CHFR: variants seen among roughly 807,000 people sequenced by gnomAD.
CHFR encodes the protein checkpoint with forkhead and ring finger domains, also known as E3 ubiquitin-protein ligase CHFR.
In CHFR, 57 loss-of-function variants were observed where a neutral mutation model predicts 87.6. The ratio of observed to expected loss-of-function variants is 0.65; its 90% CI spans 0.53 to 0.81. The LOEUF (loss-of-function observed/expected upper bound fraction) is 0.81. Among genes scored for constraint, CHFR ranks in the 30% least tolerant of loss-of-function variants. The pLI is 0.00. For missense variants in CHFR, 797 were observed against 865.8 expected (o/e 0.92, Z 1.00); for synonymous variants, 381 against 359.2 (o/e 1.06, Z -0.69).
rs894885381 is a variant in CHFR, at chr12:132,875,492, G to A, written c.233+2063C>T. The stretch of plus-strand genomic sequence containing the variant: ...CCCCATCTGAGCTAGGCGTGGCGGC[G>A]GGCACCTGTAATCCCAGCTACTCGG... On this transcript the variant is annotated intron_variant, in intron 3 of 17. Transcript: ENST00000450056. Among the ~76,000 whole-genome samples, 8 of 151,948 alleles carry A rather than the reference G, an allele frequency of 5.3e-5. 1 individual carries two copies. The South Asian group carries it at 6.2e-4, about 12-fold the overall frequency.
At chr12:132,853,728 C>A (rs948088249) in intron 10 of CHFR, 155 bp from the exon 11 acceptor site, 7 of 851,670 alleles carry the variant, frequency 8.2e-6, no homozygotes, top group Non-Finnish European at 8.5e-6. Context: ...GTCCAGCACC[C>A]CAGTGTTAGA....
chr12:132,843,208 T>A (rs1950738550), intron 16 of CHFR, 125 bp from the exon 17 acceptor site: 1 of 829,008 alleles, frequency 1.2e-6, no homozygotes, highest in South Asian at 1.5e-5. Flanking sequence ...GGTCCCTCCA[T>A]AACTAGTTTC....
At chr12:132,868,252 G>A (rs532483070) in intron 6 of CHFR, among the ~76,000 whole-genome samples, 1 of 152,350 alleles carries the variant, frequency 6.6e-6, no homozygotes, top group East Asian at 1.9e-4. Flanking sequence ...AGCACTTTGG[G>A]AGGCCGATCG....
chr12:132,852,006 CAG>C (rs150100592), intron 11 of CHFR, among the ~76,000 whole-genome samples: 15,790 of 151,330 alleles, frequency 0.1, 1,640 homozygotes, highest in East Asian at 0.46. Context: ...TTTTTTGAGA[CAG>C]AGTCTCACTC....
At position 132,841,462 on chromosome 12, in the gene CHFR, CT is replaced by C. The variant is rs1950703000; in HGVS notation, c.*91del. 9.0e-7 allele frequency: 1 copy of C among 1,116,088 alleles called. No homozygotes were observed. The allele number at this position is 1,116,088 out of a possible 1,614,324, so 69.1% of individuals were successfully genotyped here. A position where few individuals can be genotyped will look rare whatever the true frequency, so the allele number is the denominator to read the frequency against. On this transcript the variant is annotated 3_prime_UTR_variant, in exon 18 of 18. Transcript: ENST00000450056. ...ACCCTGCGTCCCTTCCCTCAGGGGG[CT>C]GTGAAAACACCTTGACGTGCTTGTC...
rs1341883561 is a variant in CHFR, at chr12:132,859,141, C to A, written c.838G>T (p.Ala280Ser). The A allele has an allele frequency of 1.9e-6, 3 of 1,614,120 alleles. No homozygotes were observed. Among genetic ancestry groups the A allele is most frequent in the Admixed American group, 1.7e-5 (1 of 60,010 alleles). ...QTVHEDVRAA[A>S]GKPDKMEETL... The stretch of plus-strand genomic sequence containing the variant: ...TCCTCCATCTTGTCTGGCTTCCCAG[C>A]CGCTGCTCTGACGTCCTCGTGGACG... The change falls in exon 8 of 18, where the codon GCT becomes TCT. Residue 280 changes from alanine to serine, a missense_variant. Around this residue, in one of 2 missense-constraint regions of CHFR, gnomAD observed 597 missense variants for 601.2 expected, o/e 0.99. Transcript: ENST00000450056.
At chr12:132,882,281 T>C (rs1201918347) in intron 2 of CHFR, among the ~76,000 whole-genome samples, 1 of 152,140 alleles carries the variant, frequency 6.6e-6, no homozygotes, top group Non-Finnish European at 1.5e-5. Flanking sequence ...CAGAAGATGA[T>C]GGCAGACACC....
Position 132,851,746 on chromosome 12 carries a change from C to G in CHFR, c.1373-9G>C. ...CACGTAATCCTGGACTGCTGAAGCA[C>G]ACGCACATTCAGCCGGAGCACGTGG... On this transcript the variant is annotated splice_polypyrimidine_tract_variant and intron_variant, in intron 11 of 17. Transcript: ENST00000450056. 1 of 1,607,032 alleles carries G rather than the reference C, an allele frequency of 6.2e-7. No individual in the cohort carries two copies. The highest frequency in any genetic ancestry group is 8.5e-7 in the Non-Finnish European group (1 of 1,175,326).
chr12:132,856,568 T>A lies in CHFR; in HGVS notation c.1129A>T (p.Met377Leu), dbSNP rs150467142. The change falls in exon 10 of 18, where the codon ATG becomes TTG. Residue 377 changes from methionine (M) to leucine (L), a missense_variant. Met to Leu is a conservative substitution (Grantham distance 15, BLOSUM62 2). This residue lies in a region of CHFR where 597 missense variants were observed against 601.2 expected (regional missense o/e 0.99). Coordinates refer to ENST00000450056, the MANE Select transcript of CHFR (RefSeq NM_001161346.2). Reference protein sequence around the residue: ...MDARNKITQDMLQPKVRRSFS... With the variant: ...MDARNKITQDLLQPKVRRSFS... ...GACCGCCTGACTTTGGGCTGCAGCA[T>A]GTCTTGAGTGATTTTATTTCTGGCA... is the stretch of plus-strand genomic sequence containing the variant. 6.2e-7 allele frequency: 1 copy of A among 1,614,144 alleles called. No individual in the cohort carries two copies. The highest frequency in any genetic ancestry group is 1.1e-5 in the South Asian group (1 of 91,082).
At chr12:132,847,839 C>T (rs1950860668) in intron 14 of CHFR, 2 of 1,351,212 alleles carry the variant, frequency 1.5e-6, no homozygotes, top group South Asian at 1.6e-5. Flanking sequence ...GGAAGCGGCT[C>T]CTACGAATTG....
intron 17 of CHFR, among the ~76,000 whole-genome samples, chr12:132,842,293 G>A (rs1485521275): frequency 2.0e-5 from 3 of 152,210 alleles, no homozygotes; most frequent in Admixed American, 1.3e-4. Context: ...GGACCAGCAT[G>A]GCTGCACATT....
intron 5 of CHFR, among the ~76,000 whole-genome samples, 197 bp downstream of exon 5, chr12:132,870,527 G>A (rs1429577358): frequency 5.9e-5 from 7 of 119,606 alleles, no homozygotes; most frequent in African/African-American, 1.2e-4. Flanking sequence ...GCAAAACTCC[G>A]TCTCAAAAAA....
At position 132,877,572 on chromosome 12, in the gene CHFR, C is replaced by T; in HGVS notation, c.216G>A (p.Val72=). The change falls in exon 3 of 18, where the codon GTG becomes GTA. Residue 72 remains valine, a synonymous_variant. Coordinates refer to ENST00000450056, the MANE Select transcript of CHFR (RefSeq NM_001161346.2). ...ATACTCACCTGGTATCTTCCAGTGTCACCTGACCTGATTTTTCATCCACTA... is the reference window on the plus strand; with the variant it reads ...ATACTCACCTGGTATCTTCCAGTGTTACCTGACCTGATTTTTCATCCACTA... ...RIVVDEKSGQ[V]TLEDTSTSGT... The T allele has an allele frequency of 6.2e-7, 1 of 1,611,422 alleles. No homozygotes were observed. The highest frequency in any genetic ancestry group is 8.5e-7 in the Non-Finnish European group (1 of 1,177,982).
At chr12:132,857,196 G>A (rs1161176874) in intron 9 of CHFR, among the ~76,000 whole-genome samples, 1 of 143,178 alleles carries the variant, frequency 7.0e-6, no homozygotes, top group Non-Finnish European at 1.5e-5. Context: ...TGGTGGTGGA[G>A]GGACCGCCCT....
At position 132,871,938 on chromosome 12, in the gene CHFR, C is replaced by T. The variant is rs192139476; in HGVS notation, c.343+347G>A. The stretch of plus-strand genomic sequence containing the variant: ...CTTGTAAGGTCTCCAAAAGCAGAAC[C>T]ATCAATGGCCTCCAGACCCCTGGTC... On this transcript the variant is annotated intron_variant, in intron 4 of 17. Transcript: ENST00000450056. The T allele has an allele frequency of 2.3e-4, 55 of 238,004 alleles. 2 individuals are homozygous for T. The Middle Eastern group carries it at 4.1e-3, about 18-fold the overall frequency. 14.7% of individuals were successfully genotyped at this position (238,004 alleles called of 1,614,324 possible).
intron 10 of CHFR, among the ~76,000 whole-genome samples, chr12:132,855,399 G>T (rs1199435832): frequency 6.6e-6 from 1 of 151,548 alleles, no homozygotes; most frequent in Non-Finnish European, 1.5e-5. Flanking sequence ...GGGCGCAGTG[G>T]CTCATGCCTG....
Position 132,836,959 on chromosome 12 carries a change from T to A in CHFR, c.*4595A>T, listed in dbSNP as rs1329830342. 2 of 364,088 alleles carry A rather than the reference T, an allele frequency of 5.5e-6. No homozygotes were observed. The allele number at this position is 364,088 out of a possible 1,614,324, so 22.6% of individuals were successfully genotyped here. ...GGGGGAGACAAACGGTAAACAGATG[T>A]TTCCTTTCCGATAGTGACAGGTGCT... On this transcript the variant is annotated 3_prime_UTR_variant, in exon 18 of 18. Coordinates refer to ENST00000450056, the MANE Select transcript of CHFR (RefSeq NM_001161346.2).
At position 132,865,607 on chromosome 12, in the gene CHFR, A is replaced by C. The variant is rs140668278; in HGVS notation, c.584-3973T>G. ...AGGTAGGTCTCAAGCTCCTGACCTCAAGTGATTCGCCTGTCTTGGCTTCCC... is the reference window on the plus strand; with the variant it reads ...AGGTAGGTCTCAAGCTCCTGACCTCCAGTGATTCGCCTGTCTTGGCTTCCC... On this transcript the variant is annotated intron_variant, in intron 6 of 17. Transcript: ENST00000450056. Among the ~76,000 whole-genome samples, 153 of 149,680 alleles carry C rather than the reference A, an allele frequency of 1.0e-3. 1 individual carries two copies. The highest frequency in any genetic ancestry group is 3.6e-3 in the African/African-American group (147 of 40,688).
chr12:132,834,178 A>C lies in CHFR; in HGVS notation c.*7376T>G, dbSNP rs1413845439. 1 of 152,356 alleles carries C rather than the reference A, an allele frequency of 6.6e-6. No individual in the cohort carries two copies. Among genetic ancestry groups the C allele is most frequent in the Non-Finnish European group, 1.5e-5 (1 of 68,182 alleles). The allele number at this position is 152,356 out of a possible 1,614,324, so 9.4% of individuals were successfully genotyped here. ...GTGGTGGGCCTGGGGTCCCCACTGGAAACAGCTCTCTTTGACAACATGAAT... is the reference window on the plus strand; with the variant it reads ...GTGGTGGGCCTGGGGTCCCCACTGGCAACAGCTCTCTTTGACAACATGAAT... On this transcript the variant is annotated 3_prime_UTR_variant, in exon 18 of 18. Transcript: ENST00000450056.
Sources: gnomAD v4.1 joint callset for allele counts (sites outside exome capture counted in the v4.1 genomes callset) on GRCh38, gnomAD v4.1.1 for gene constraint, gnomAD v4.1.1 regional missense constraint, MANE v1.5 for transcripts, NCBI Gene and HGNC (gene_info 2026-07-23, HGNC 2026-07-21) for gene names.